Variants in FRMPD4 observed in about 807,000 individuals in gnomAD.
FRMPD4 encodes the protein FERM and PDZ domain containing 4.
A neutral mutation model predicts 94.1 loss-of-function variants in FRMPD4; 22 were observed. The observed-to-expected ratio is 0.23, with a 90% CI of 0.17 to 0.33. The LOEUF is 0.33. FRMPD4 is among the 10% of genes least tolerant of loss of function. The probability of loss-of-function intolerance (pLI) is 1.00; values close to 1 mark genes in which losing one functional copy is unlikely to be tolerated. For missense variants in FRMPD4, 1,111 were observed against 1,339.9 expected, an observed-to-expected ratio of 0.83 and a Z score of 2.67; for synonymous variants, 631 against 548.6, an observed-to-expected ratio of 1.15 and a Z score of -2.10.
intron 3 of FRMPD4, among the ~76,000 whole-genome samples, chrX:12,018,767 C>A (rs1444417387): frequency 1.8e-5 from 2 of 111,455 alleles, no homozygotes; most frequent in African/African-American, 6.5e-5. Context: ...TAGAGCCCAC[C>A]CTAATGACTC....
intron 3 of FRMPD4, among the ~76,000 whole-genome samples, chrX:12,046,689 G>A (rs189097792): frequency 1.6e-3 from 183 of 112,238 alleles, no homozygotes; most frequent in African/African-American, 5.7e-3. Flanking sequence ...GAAGGGTGAG[G>A]GATGGGGGAA....
intron 1 of FRMPD4, among the ~76,000 whole-genome samples, chrX:12,494,546 T>C (rs1466729754): frequency 1.8e-5 from 2 of 111,573 alleles, no homozygotes; most frequent in Admixed American, 1.9e-4. Context: ...ACGGCATCCC[T>C]TTTTCTGATA....
At chrX:12,265,124 C>T (rs1379738411) in intron 1 of FRMPD4, among the ~76,000 whole-genome samples, 1 of 112,082 alleles carries the variant, frequency 8.9e-6, no homozygotes, top group African/African-American at 3.2e-5. Context: ...CTTGGCTGCA[C>T]CTTGGAGTCA....
intron 5 of FRMPD4, among the ~76,000 whole-genome samples, chrX:12,680,983 G>A (rs957261433): frequency 1.8e-5 from 2 of 111,368 alleles, no homozygotes; most frequent in African/African-American, 3.3e-5. Flanking sequence ...ATATGCATCC[G>A]AAAACTCTAT....
chrX:11,871,919 G>A (rs898644441), intron 2 of FRMPD4, among the ~76,000 whole-genome samples: 3 of 112,049 alleles, frequency 2.7e-5, no homozygotes, highest in Non-Finnish European at 3.8e-5. Context: ...ATGCTGAAGT[G>A]ACCAAACTTG....
intron 2 of FRMPD4, among the ~76,000 whole-genome samples, chrX:12,587,284 T>A (rs1332050015): frequency 8.9e-6 from 1 of 112,211 alleles, no homozygotes; most frequent in Non-Finnish European, 1.9e-5. Flanking sequence ...CTTTAATGCA[T>A]TTTTTATTGT....
At position 12,716,897 on chromosome X, in the gene FRMPD4, G is replaced by A. The variant is rs1296967882; in HGVS notation, c.2438G>A (p.Gly813Asp). The stretch of plus-strand genomic sequence containing the variant: ...ATGGCCATTGCCGCACCCCCACCTG[G>A]CTTTAGAGACAGTTCAGATGAAGAG... ...LNMAIAAPPP[G>D]FRDSSDEEDS... Residue 813 changes from glycine to aspartate, a missense_variant, in exon 15 of 17, where the codon GGC becomes GAC. By Grantham distance (94) the Gly-to-Asp change is moderately conservative (BLOSUM62 -1). Transcript: ENST00000675598. 8.3e-7 allele frequency: 1 copy of A among 1,209,688 alleles called. No individual in the cohort carries two copies. Among genetic ancestry groups the A allele is most frequent in the African/African-American group, 1.7e-5 (1 of 57,218 alleles).
intron 1 of FRMPD4, among the ~76,000 whole-genome samples, chrX:12,286,644 T>A (rs1394924565): frequency 8.9e-6 from 1 of 112,092 alleles, no homozygotes; most frequent in Non-Finnish European, 1.9e-5. Context: ...ATAGCTTTGA[T>A]AAAATTGGTC....
At chrX:12,424,616 A>C (rs1331436433) in intron 1 of FRMPD4, among the ~76,000 whole-genome samples, 1 of 112,200 alleles carries the variant, frequency 8.9e-6, no homozygotes, top group African/African-American at 3.2e-5. Flanking sequence ...TCTGTTGGTC[A>C]AGGGACCACA....
At chrX:11,862,120 A>T (rs775223311) in intron 1 of FRMPD4, among the ~76,000 whole-genome samples, 10 of 111,313 alleles carry the variant, frequency 9.0e-5, no homozygotes, top group Non-Finnish European at 1.9e-4. Context: ...CCATGATCCA[A>T]TCCACCTCCC....
At chrX:12,559,520 G>T (rs980507427) in intron 2 of FRMPD4, among the ~76,000 whole-genome samples, 8 of 110,428 alleles carry the variant, frequency 7.2e-5, no homozygotes, top group South Asian at 3.8e-4. Context: ...TGTGGTGGCA[G>T]GCACCTGTAG....
chrX:12,347,404 A>G (rs1280723536), intron 1 of FRMPD4, among the ~76,000 whole-genome samples: 2 of 104,728 alleles, frequency 1.9e-5, no homozygotes, highest in African/African-American at 6.9e-5. Flanking sequence ...TGCTGGGCTA[A>G]TTTTTTTTTT....
At chrX:11,879,989 C>A (rs1355112465) in intron 3 of FRMPD4, among the ~76,000 whole-genome samples, 1 of 112,609 alleles carries the variant, frequency 8.9e-6, no homozygotes, top group Non-Finnish European at 1.9e-5. Flanking sequence ...GACTTATTAT[C>A]ATAAGACTCA....
chrX:11,826,309 G>A (rs558596327), intron 1 of FRMPD4, among the ~76,000 whole-genome samples: 8 of 111,619 alleles, frequency 7.2e-5, no homozygotes, highest in African/African-American at 2.3e-4. Context: ...ACTTTGGGGA[G>A]GGCAAGCATC....
intron 1 of FRMPD4, among the ~76,000 whole-genome samples, chrX:12,377,243 G>A (rs1371030947): frequency 2.7e-5 from 3 of 112,198 alleles, no homozygotes; most frequent in African/African-American, 9.7e-5. Context: ...AATCAAAACA[G>A]TGTTGTCTTT....
chrX:12,330,853 C>T (rs978262371), intron 1 of FRMPD4, among the ~76,000 whole-genome samples: 10 of 111,856 alleles, frequency 8.9e-5, no homozygotes, highest in Admixed American at 2.9e-4. Flanking sequence ...CATCCACACT[C>T]GCTAGGGCTA....
At chrX:12,720,401 G>A (rs2042216407) in intron 16 of FRMPD4, 133 bp from the exon 17 acceptor site, 2 of 566,030 alleles carry the variant, frequency 3.5e-6, no homozygotes, top group Middle Eastern at 5.6e-4. Context: ...GGAAAGCAGG[G>A]TGACCTTAGC....
chrX:12,234,247 A>G (rs765576028), intron 1 of FRMPD4, among the ~76,000 whole-genome samples: 1 of 111,581 alleles, frequency 9.0e-6, no homozygotes, highest in South Asian at 3.8e-4. Flanking sequence ...GTTATATTTT[A>G]ATGTAATGTT....
At chrX:12,547,702 T>C (rs185337423) in intron 2 of FRMPD4, among the ~76,000 whole-genome samples, 126 of 112,581 alleles carry the variant, frequency 1.1e-3, no homozygotes, top group African/African-American at 3.9e-3. Flanking sequence ...TAATAATGGA[T>C]TGTAGAAACA....
Sources: allele counts gnomAD v4.1 joint callset (sites outside exome capture counted in the v4.1 genomes callset), GRCh38; gene constraint gnomAD v4.1.1; transcripts MANE v1.5; gene names NCBI Gene and HGNC (gene_info 2026-07-23, HGNC 2026-07-21).